CHRM3: variants seen among roughly 807,000 people sequenced by gnomAD.
The protein encoded by CHRM3 is cholinergic receptor muscarinic 3, also known as muscarinic acetylcholine receptor M3.
In CHRM3, 11 loss-of-function variants were observed where a neutral mutation model predicts 41.8. That is an observed-to-expected ratio of 0.26 (90% confidence interval 0.17 to 0.44). CHRM3 has a LOEUF of 0.44. Ranked by LOEUF, CHRM3 falls within the 20% of genes least tolerant of loss-of-function variation. The pLI is 1.00. For missense variants in CHRM3, 571 were observed against 745.4 expected (o/e 0.77, Z 2.72); for synonymous variants, 297 against 301.4 (o/e 0.99, Z 0.15).
intron 6 of CHRM3, among the ~76,000 whole-genome samples, chr1:239,854,612 C>G (rs929429049): frequency 6.6e-6 from 1 of 152,048 alleles, no homozygotes; most frequent in South Asian, 2.1e-4. Context: ...ATAAAGAGTT[C>G]TAAATGTCTT....
At chr1:239,747,992 G>A (rs182306557) in intron 5 of CHRM3, among the ~76,000 whole-genome samples, 5 of 152,222 alleles carry the variant, frequency 3.3e-5, no homozygotes, top group Admixed American at 6.5e-5. Context: ...AGCCGAAATC[G>A]TGCCACGACT....
intron 5 of CHRM3, among the ~76,000 whole-genome samples, chr1:239,771,839 T>C (rs1457494106): frequency 6.6e-6 from 1 of 152,162 alleles, no homozygotes; most frequent in Non-Finnish European, 1.5e-5. Context: ...AATATGCAGA[T>C]ATGAAAAGCA....
chr1:239,734,826 A>C, intron 5 of CHRM3, among the ~76,000 whole-genome samples: 1 of 152,164 alleles, frequency 6.6e-6, no homozygotes, highest in South Asian at 2.1e-4. Context: ...GGAGAGAAGT[A>C]GGTGGGAACT....
At chr1:239,750,317 A>G (rs1665705164) in intron 5 of CHRM3, among the ~76,000 whole-genome samples, 1 of 152,206 alleles carries the variant, frequency 6.6e-6, no homozygotes, top group Non-Finnish European at 1.5e-5. Flanking sequence ...TAAAATGGAA[A>G]AAAACATTCA....
intron 1 of CHRM3, among the ~76,000 whole-genome samples, chr1:239,401,030 G>A (rs1659927913): frequency 6.6e-6 from 1 of 152,042 alleles, no homozygotes; most frequent in Non-Finnish European, 1.5e-5. Context: ...GCAGGAACCA[G>A]GCAAAAAGAG....
intron 5 of CHRM3, chr1:239,704,720 C>T (rs1199531950): frequency 6.6e-6 from 1 of 152,096 alleles, no homozygotes; most frequent in African/African-American, 2.4e-5. Context: ...ATACATGTAA[C>T]AGCAATGCAA....
chr1:239,483,045 T>C (rs1453610966), intron 1 of CHRM3, among the ~76,000 whole-genome samples: 2 of 152,192 alleles, frequency 1.3e-5, no homozygotes, highest in African/African-American at 2.4e-5. Flanking sequence ...TGGATCTCTT[T>C]AGAGTTGCTT....
At chr1:239,805,437 TGAA>T (rs1200503070) in intron 5 of CHRM3, among the ~76,000 whole-genome samples, 3 of 152,208 alleles carry the variant, frequency 2.0e-5, no homozygotes, top group African/African-American at 7.2e-5. Context: ...AGAATTTATC[TGAA>T]GAAGCTTATA....
At chr1:239,571,449 A>G (rs1219524510) in intron 3 of CHRM3, among the ~76,000 whole-genome samples, 1 of 152,200 alleles carries the variant, frequency 6.6e-6, no homozygotes, top group Non-Finnish European at 1.5e-5. Flanking sequence ...GTGAAATTGC[A>G]GAGCTCTTTG....
intron 3 of CHRM3, among the ~76,000 whole-genome samples, chr1:239,568,047 C>G (rs994752754): frequency 2.0e-5 from 3 of 152,178 alleles, no homozygotes; most frequent in Non-Finnish European, 4.4e-5. Context: ...TTCCACCTCA[C>G]AGCAACTGAG....
chr1:239,767,909 A>G (rs1667349497), intron 5 of CHRM3, among the ~76,000 whole-genome samples: 1 of 152,092 alleles, frequency 6.6e-6, no homozygotes, highest in South Asian at 2.1e-4. Context: ...GCCCTGGTTC[A>G]CGTGGGCTGG....
intron 3 of CHRM3, among the ~76,000 whole-genome samples, chr1:239,590,162 A>T (rs1017993103): frequency 1.3e-5 from 2 of 152,152 alleles, no homozygotes; most frequent in African/African-American, 4.8e-5. Flanking sequence ...GGAGGCCAGG[A>T]TGGTGGATTT....
chr1:239,899,386 C>A (rs66781955), intron 6 of CHRM3, among the ~76,000 whole-genome samples: 62,925 of 149,378 alleles, frequency 0.42, 14,187 homozygotes, highest in African/African-American at 0.59. Context: ...CATATATAAA[C>A]ACATATACAT....
chr1:239,522,740 G>A (rs1040523170), intron 2 of CHRM3, among the ~76,000 whole-genome samples: 1 of 152,122 alleles, frequency 6.6e-6, no homozygotes, highest in Non-Finnish European at 1.5e-5. Flanking sequence ...GAACTATGTG[G>A]CCTTACAAAT....
At chr1:239,463,482 A>G (rs1462336078) in intron 1 of CHRM3, among the ~76,000 whole-genome samples, 1 of 152,104 alleles carries the variant, frequency 6.6e-6, no homozygotes, top group Non-Finnish European at 1.5e-5. Context: ...TTTGGAATCT[A>G]AGATGTCTTA....
chr1:239,568,469 C>T (rs1200662493), intron 3 of CHRM3, among the ~76,000 whole-genome samples: 1 of 152,084 alleles, frequency 6.6e-6, no homozygotes, highest in East Asian at 1.9e-4. Flanking sequence ...CCTTCCCAGC[C>T]ACGTGGAACT....
intron 6 of CHRM3, among the ~76,000 whole-genome samples, chr1:239,873,691 T>C (rs1676790015): frequency 6.6e-6 from 1 of 152,200 alleles, no homozygotes. Flanking sequence ...GTCAAAACTC[T>C]GAAACCAGAC....
intron 2 of CHRM3, among the ~76,000 whole-genome samples, chr1:239,539,322 G>C (rs1658505364): frequency 6.6e-6 from 1 of 152,162 alleles, no homozygotes; most frequent in African/African-American, 2.4e-5. Flanking sequence ...AGTGACACTG[G>C]TTAGAACTCC....
intron 3 of CHRM3, among the ~76,000 whole-genome samples, chr1:239,618,570 C>A (rs149910020): frequency 2.0e-5 from 3 of 151,700 alleles, no homozygotes; most frequent in South Asian, 2.1e-4. Context: ...GATGGCCGGG[C>A]GCGGTGGCTC....
Sources: allele counts gnomAD v4.1 joint callset (sites outside exome capture counted in the v4.1 genomes callset), GRCh38; gene constraint gnomAD v4.1.1; transcripts MANE v1.5; gene names NCBI Gene and HGNC (gene_info 2026-07-23, HGNC 2026-07-21).